PPIP5K1: variants seen among roughly 807,000 people sequenced by gnomAD.
PPIP5K1 encodes inositol hexakisphosphate and diphosphoinositol-pentakisphosphate kinase 1.
Under a neutral mutation model 27.7 loss-of-function variants are expected in PPIP5K1, and 6 were observed. The observed-to-expected ratio is 0.22, with a 90% CI of 0.12 to 0.43. The LOEUF is 0.43. Ranked by LOEUF, PPIP5K1 falls within the 20% of genes least tolerant of loss-of-function variation. The probability of loss-of-function intolerance (pLI) is 1.00; values close to 1 mark genes in which losing one functional copy is unlikely to be tolerated. For missense variants in PPIP5K1, 394 were observed against 635.4 expected (o/e 0.62, Z 4.08); for synonymous variants, 145 against 242.6 (o/e 0.60, Z 3.74).
chr15:43,567,118 G>T lies in PPIP5K1; in HGVS notation c.3046+1345C>A, dbSNP rs1280584244. Reference sequence around the variant, plus strand: ...TAGATCTACACTATTGTTGTTTCGGGTTTTTTTTTTTTTTTTGAGACAGAG... The same window carrying T: ...TAGATCTACACTATTGTTGTTTCGGTTTTTTTTTTTTTTTTTGAGACAGAG... On this transcript the variant is annotated intron_variant, in intron 26 of 31. Transcript: ENST00000420765. Among the ~76,000 whole-genome samples the T allele has an allele frequency of 9.3e-5, 9 of 96,978 alleles. 1 individual carries two copies. The highest frequency in any genetic ancestry group is 5.6e-4 in the Admixed American group (6 of 10,628). 63.6% of individuals were successfully genotyped at this position (96,978 alleles called of 152,430 possible).
At chr15:43,579,640 T>C (rs1471094088) in intron 10 of PPIP5K1, among the ~76,000 whole-genome samples, 1 of 65,018 alleles carries the variant, frequency 1.5e-5, no homozygotes, top group Non-Finnish European at 2.4e-5. Context: ...TGTATATATA[T>C]ATATATATAT....
chr15:43,559,544 G>A (rs917557992), intron 29 of PPIP5K1, among the ~76,000 whole-genome samples: 44 of 152,112 alleles, frequency 2.9e-4, no homozygotes, highest in African/African-American at 1.1e-3. Flanking sequence ...GTTCTTTCTT[G>A]GTAATTTCCA....
intron 31 of PPIP5K1, among the ~76,000 whole-genome samples, chr15:43,538,453 T>C (rs1311163398): frequency 6.6e-6 from 1 of 152,220 alleles, no homozygotes; most frequent in Admixed American, 6.5e-5. Context: ...AAACTAAAAA[T>C]TGAAAACAGG....
rs1176044150 is a variant in PPIP5K1, at chr15:43,579,419, C to CAT, written c.1062-300_1062-299insAT. 4.4e-4 allele frequency among the ~76,000 whole-genome samples: 51 copies of CAT among 116,218 alleles called. 4 individuals carry two copies. The East Asian group carries it at 4.7e-3, about 11-fold the overall frequency. 76.2% of individuals were successfully genotyped at this position (116,218 alleles called of 152,430 possible). On this transcript the variant is annotated intron_variant, in intron 10 of 31. Transcript: ENST00000420765. ...ACACACACACACACACACACACACACACACGTATGTGTACATACACACACG... is the reference window on the plus strand; with the variant it reads ...ACACACACACACACACACACACACACATACACGTATGTGTACATACACACACG...
At chr15:43,543,047 T>C (rs1004132365) in intron 30 of PPIP5K1, among the ~76,000 whole-genome samples, 4 of 151,980 alleles carry the variant, frequency 2.6e-5, no homozygotes, top group Non-Finnish European at 4.4e-5. Flanking sequence ...GATTGTTTCC[T>C]TGCTTTCCTT....
intron 30 of PPIP5K1, among the ~76,000 whole-genome samples, chr15:43,551,020 T>A (rs1368596844): frequency 6.6e-6 from 1 of 152,198 alleles, no homozygotes; most frequent in Non-Finnish European, 1.5e-5. Flanking sequence ...TGTTCGGGAC[T>A]TTTGCCTCTA....
chr15:43,533,638 T>C lies in PPIP5K1; in HGVS notation c.*1036A>G, dbSNP rs1350653439. On this transcript the variant is annotated 3_prime_UTR_variant, in exon 32 of 32. Coordinates refer to ENST00000420765, the MANE Select transcript of PPIP5K1 (RefSeq NM_001394395.1). ...CACAATGATATAAGGACAAATTTCT[T>C]GGGGACCCTGCAGTGTTTGGTCTTT... is the stretch of plus-strand genomic sequence containing the variant. The C allele has an allele frequency of 1.3e-5, 2 of 152,520 alleles. No individual in the cohort carries two copies. The highest frequency in any genetic ancestry group is 2.9e-5 in the Non-Finnish European group (2 of 68,034). The allele number at this position is 152,520 out of a possible 1,614,324, so 9.4% of individuals were successfully genotyped here.
chr15:43,541,205 C>T (rs1384363904), intron 30 of PPIP5K1, among the ~76,000 whole-genome samples: 1 of 152,096 alleles, frequency 6.6e-6, no homozygotes, highest in Non-Finnish European at 1.5e-5. Flanking sequence ...TCTTGACCTC[C>T]TGGCTCAAGC....
intron 30 of PPIP5K1, among the ~76,000 whole-genome samples, chr15:43,554,439 C>T (rs1046582742): frequency 1.1e-4 from 16 of 152,164 alleles, no homozygotes; most frequent in Non-Finnish European, 1.9e-4. Flanking sequence ...TGCACCTCTG[C>T]ACCGCTCCTC....
rs2079674935 is a variant in PPIP5K1, at chr15:43,535,217, C to A, written c.3930G>T (p.Glu1310Asp). 1 of 1,614,056 alleles carries A rather than the reference C, an allele frequency of 6.2e-7. No homozygotes were observed. Among genetic ancestry groups the A allele is most frequent in the Admixed American group, 1.7e-5 (1 of 59,990 alleles). ...GGACCTCCTGACATGGCTGGCTGAC[C>A]TCCTCGTATGGCTGGCTGGTTTCCA... ...PPMETSQPYE[E>D]VSQPCQEVPD... The change falls in exon 32 of 32, where the codon GAG (glutamate) becomes GAT (aspartate). Residue 1310 changes from glutamate to aspartate, a missense_variant. Glu to Asp is a conservative substitution (Grantham distance 45). Transcript: ENST00000420765.
At chr15:43,558,092 C>T (rs1374096354) in intron 30 of PPIP5K1, among the ~76,000 whole-genome samples, 3 of 145,926 alleles carry the variant, frequency 2.1e-5, no homozygotes, top group Admixed American at 6.8e-5. Flanking sequence ...GATGGAGTCT[C>T]GCTCTGTCAC....
chr15:43,572,433 C>CAAAA (rs1192497589), intron 23 of PPIP5K1, among the ~76,000 whole-genome samples: 1 of 37,036 alleles, frequency 2.7e-5, no homozygotes. Context: ...GACCTTGTCT[C>CAAAA]AAAAAAAAAA....
chr15:43,537,344 CAAAAAAAAA>C (rs375557879), intron 31 of PPIP5K1: 25 of 83,444 alleles, frequency 3.0e-4, no homozygotes, highest in Non-Finnish European at 4.1e-4. Context: ...GACTCCACCT[CAAAAAAAAA>C]AAAAAAAAAA....
chr15:43,540,559 T>TAGTG (rs2080532672), intron 30 of PPIP5K1, among the ~76,000 whole-genome samples: 2 of 151,526 alleles, frequency 1.3e-5, no homozygotes, highest in Admixed American at 6.6e-5. Flanking sequence ...TAGCCGGGTG[T>TAGTG]AGTGGCACAT....
intron 30 of PPIP5K1, among the ~76,000 whole-genome samples, chr15:43,542,665 TGTG>T (rs2080908762): frequency 2.2e-5 from 3 of 137,544 alleles, no homozygotes; most frequent in African/African-American, 8.8e-5. Flanking sequence ...TGTGTGTGTG[TGTG>T]TGTGTGTGTG....
At position 43,558,931 on chromosome 15, in the gene PPIP5K1, C is replaced by A. The variant is rs753524974; in HGVS notation, c.3420G>T (p.Gly1140=). 6.2e-7 allele frequency: 1 copy of A among 1,613,338 alleles called. No homozygotes were observed. The change falls in exon 30 of 32, where the codon GGG becomes GGT. Residue 1140 remains glycine, a splice_region_variant and synonymous_variant. Coordinates refer to ENST00000420765, the MANE Select transcript of PPIP5K1 (RefSeq NM_001394395.1). ...TAGGCACCATGGAACACCCTTCAAA[C>A]CCTGTTTGAAAAGAGATGGGCAAAG... ...SGQDDPECLY[G]FEGCSMVPTI...
intron 30 of PPIP5K1, among the ~76,000 whole-genome samples, chr15:43,548,972 G>A (rs1409240072): frequency 1.4e-5 from 2 of 138,078 alleles, no homozygotes; most frequent in Non-Finnish European, 3.1e-5. Flanking sequence ...AGGTTCCAGT[G>A]AGTGGACATT....
chr15:43,543,728 TCTTA>T (rs1373302462), intron 30 of PPIP5K1, among the ~76,000 whole-genome samples: 3 of 151,822 alleles, frequency 2.0e-5, no homozygotes, highest in Admixed American at 6.6e-5. Flanking sequence ...ATCTAATTTA[TCTTA>T]CTTTGAAAAT....
intron 30 of PPIP5K1, among the ~76,000 whole-genome samples, chr15:43,541,265 A>C (rs1032497133): frequency 2.0e-5 from 3 of 151,950 alleles, no homozygotes; most frequent in African/African-American, 7.2e-5. Flanking sequence ...GGCACATATC[A>C]CCACTCCTGG....
Sources: allele counts gnomAD v4.1 joint callset (sites outside exome capture counted in the v4.1 genomes callset), GRCh38; gene constraint gnomAD v4.1.1; transcripts MANE v1.5; gene names NCBI Gene and HGNC (gene_info 2026-07-23, HGNC 2026-07-21).